The following STXBP6 variants were observed in gnomAD, a reference collection of about 807,000 sequenced individuals.
The protein encoded by STXBP6 is syntaxin binding protein 6, also known as syntaxin-binding protein 6.
Under a neutral mutation model 26.9 loss-of-function variants are expected in STXBP6, and 21 were observed. That is an observed-to-expected ratio of 0.78 (90% confidence interval 0.55 to 1.12). The LOEUF is 1.12. Among genes scored for constraint, STXBP6 ranks in the 50% most tolerant of loss-of-function variants. The pLI, the probability that STXBP6 is intolerant of heterozygous loss-of-function variation, is 0.00. For missense variants in STXBP6, 232 were observed against 257.9 expected (o/e 0.90, Z 0.69); for synonymous variants, 97 against 92.6 (o/e 1.05, Z -0.27).
intron 2 of STXBP6, among the ~76,000 whole-genome samples, chr14:24,913,832 G>T (rs1291390430): frequency 1.3e-5 from 2 of 152,148 alleles, no homozygotes; most frequent in African/African-American, 4.8e-5. Context: ...GGAATAAAGT[G>T]GTCCCCAGAA....
At chr14:24,961,959 C>T (rs1267172721) in intron 2 of STXBP6, among the ~76,000 whole-genome samples, 2 of 152,174 alleles carry the variant, frequency 1.3e-5, no homozygotes, top group Non-Finnish European at 1.5e-5. Flanking sequence ...CTTCTCCCAT[C>T]CCTCATCTAA....
intron 1 of STXBP6, among the ~76,000 whole-genome samples, chr14:25,024,172 G>C (rs994121504): frequency 6.6e-6 from 1 of 152,066 alleles, no homozygotes; most frequent in Non-Finnish European, 1.5e-5. Context: ...AGCCGGGCAT[G>C]GTGGCACACG....
intron 4 of STXBP6, among the ~76,000 whole-genome samples, chr14:24,833,551 A>C (rs1282328978): frequency 1.3e-5 from 2 of 152,226 alleles, no homozygotes; most frequent in Admixed American, 1.3e-4. Flanking sequence ...AATGGAAGAT[A>C]TATTTGGTTT....
chr14:25,012,737 G>T lies in STXBP6; in HGVS notation c.-33+37141C>A, dbSNP rs552633967. 8.5e-5 allele frequency among the ~76,000 whole-genome samples: 13 copies of T among 152,292 alleles called. 1 individual carries two copies. In the East Asian group the frequency reaches 2.3e-3, roughly 27 times the overall value. On this transcript the variant is annotated intron_variant, in intron 1 of 5. Transcript: ENST00000323944. ...ATTATGTCTTATTATTATGAAAATT[G>T]TTTTGACCTTATGGACTCACTAATA...
chr14:24,831,410 A>G (rs2068450220), intron 4 of STXBP6, among the ~76,000 whole-genome samples: 2 of 152,202 alleles, frequency 1.3e-5, no homozygotes, highest in Non-Finnish European at 1.5e-5. Flanking sequence ...AGGACCATAT[A>G]TCACATGCAT....
chr14:24,931,849 G>C (rs1322321579), intron 2 of STXBP6, among the ~76,000 whole-genome samples: 1 of 152,182 alleles, frequency 6.6e-6, no homozygotes, highest in Non-Finnish European at 1.5e-5. Flanking sequence ...CTGCCAGTTA[G>C]TGGTCAGCTA....
At chr14:25,008,138 G>A (rs983658163) in intron 1 of STXBP6, among the ~76,000 whole-genome samples, 2 of 145,504 alleles carry the variant, frequency 1.4e-5, no homozygotes, top group Non-Finnish European at 3.1e-5. Flanking sequence ...CAAAATGTTA[G>A]CTGCCAGACC....
chr14:24,949,395 A>C (rs911692360), intron 2 of STXBP6, among the ~76,000 whole-genome samples: 2 of 152,124 alleles, frequency 1.3e-5, no homozygotes, highest in South Asian at 2.1e-4. Context: ...AACTAAAGAG[A>C]TGGAAAGTGG....
At chr14:24,937,041 A>G (rs2072624342) in intron 2 of STXBP6, among the ~76,000 whole-genome samples, 1 of 152,254 alleles carries the variant, frequency 6.6e-6, no homozygotes, top group South Asian at 2.1e-4. Context: ...ACACAAGAAC[A>G]GACAATCAAA....
intron 2 of STXBP6, among the ~76,000 whole-genome samples, chr14:24,930,241 A>G (rs2072335354): frequency 6.6e-6 from 1 of 152,204 alleles, no homozygotes; most frequent in Non-Finnish European, 1.5e-5. Flanking sequence ...CCATGTCTGC[A>G]CTTTCTTAGA....
intron 2 of STXBP6, among the ~76,000 whole-genome samples, chr14:24,895,613 C>T (rs2070959799): frequency 6.6e-6 from 1 of 152,194 alleles, no homozygotes; most frequent in Admixed American, 6.5e-5. Flanking sequence ...CATTCACAGA[C>T]ATTCGAAGAT....
At chr14:24,892,552 T>G (rs2070830248) in intron 2 of STXBP6, among the ~76,000 whole-genome samples, 1 of 152,036 alleles carries the variant, frequency 6.6e-6, no homozygotes, top group Admixed American at 6.5e-5. Flanking sequence ...TTGGTTTGAG[T>G]CTTTTTCTTC....
At chr14:24,818,296 G>A (rs1217062190) in intron 5 of STXBP6, among the ~76,000 whole-genome samples, 1 of 152,138 alleles carries the variant, frequency 6.6e-6, no homozygotes, top group South Asian at 2.1e-4. Context: ...CTTTCCTTTG[G>A]TTTGTGACTG....
intron 2 of STXBP6, among the ~76,000 whole-genome samples, chr14:24,898,537 C>T (rs1002620644): frequency 7.9e-5 from 12 of 152,068 alleles, no homozygotes; most frequent in African/African-American, 2.9e-4. Flanking sequence ...ACTAGCTGGG[C>T]GTGGTGGCAT....
At chr14:24,867,180 C>T (rs1366297991) in intron 2 of STXBP6, among the ~76,000 whole-genome samples, 2 of 152,148 alleles carry the variant, frequency 1.3e-5, no homozygotes, top group Non-Finnish European at 2.9e-5. Context: ...TGGGAACTAG[C>T]TTGGCCCTTT....
intron 4 of STXBP6, among the ~76,000 whole-genome samples, chr14:24,850,169 G>A (rs1229641696): frequency 6.6e-6 from 1 of 152,060 alleles, no homozygotes; most frequent in Admixed American, 6.6e-5. Flanking sequence ...ACCTAGGGAT[G>A]ACTTTGTATT....
intron 4 of STXBP6, among the ~76,000 whole-genome samples, chr14:24,849,979 T>G (rs1307255125): frequency 1.3e-5 from 2 of 152,096 alleles, no homozygotes; most frequent in African/African-American, 4.8e-5. Context: ...AGGTTCACAC[T>G]CCAAAGTCTT....
chr14:24,868,069 T>C (rs1253339506), intron 2 of STXBP6, among the ~76,000 whole-genome samples: 5 of 152,040 alleles, frequency 3.3e-5, no homozygotes, highest in Non-Finnish European at 7.4e-5. Context: ...TGGTGGCACA[T>C]GCTTATAAAG....
intron 2 of STXBP6, among the ~76,000 whole-genome samples, chr14:24,891,029 T>C (rs2070767622): frequency 6.6e-6 from 1 of 152,234 alleles, no homozygotes; most frequent in African/African-American, 2.4e-5. Flanking sequence ...TGTCTTTACT[T>C]TTTTCCTGTG....
Sources: allele counts gnomAD v4.1 joint callset (sites outside exome capture counted in the v4.1 genomes callset), GRCh38; gene constraint gnomAD v4.1.1; transcripts MANE v1.5; gene names NCBI Gene and HGNC (gene_info 2026-07-23, HGNC 2026-07-21).